The following ANKRD30BL variants were observed in gnomAD, a reference collection of about 807,000 sequenced individuals.
The protein encoded by ANKRD30BL is putative ankyrin repeat domain-containing protein 30B-like.
In ANKRD30BL, 20 loss-of-function variants were observed where a neutral mutation model predicts 18.4. The ratio of observed to expected loss-of-function variants is 1.09; its 90% CI spans 0.77 to 1.58. The LOEUF (loss-of-function observed/expected upper bound fraction) is 1.58, where lower values mean the gene tolerates loss of function less well. Ranked by LOEUF, ANKRD30BL falls within the 40% of genes most tolerant of loss-of-function variation. The probability of loss-of-function intolerance (pLI) is 0.00; values close to 1 mark genes in which losing one functional copy is unlikely to be tolerated. For synonymous variants in ANKRD30BL, 72 were observed against 100.9 expected (o/e 0.71, Z 1.72); for missense variants, 224 against 268.6 (o/e 0.83, Z 1.16).
chr2:132,230,719 C>A (rs1412042617), intron 1 of ANKRD30BL, among the ~76,000 whole-genome samples: 1 of 151,660 alleles, frequency 6.6e-6, no homozygotes, highest in South Asian at 2.1e-4. Flanking sequence ...AGATTTGAAC[C>A]TTGCTTTTGA....
chr2:132,254,644 A>G (rs370686339), intron 1 of ANKRD30BL, among the ~76,000 whole-genome samples: 5 of 152,212 alleles, frequency 3.3e-5, no homozygotes, highest in African/African-American at 9.6e-5. Flanking sequence ...CACATCTGCC[A>G]CATAGGGTAG....
At chr2:132,230,404 C>T (rs142480101) in intron 1 of ANKRD30BL, among the ~76,000 whole-genome samples, 3 of 151,896 alleles carry the variant, frequency 2.0e-5, no homozygotes, top group African/African-American at 7.3e-5. Flanking sequence ...AGTTTTGAAA[C>T]ACTCTTTTTG....
At chr2:132,154,345 ATAAAG>A (rs1253617651) in intron 4 of ANKRD30BL, among the ~76,000 whole-genome samples, 2 of 152,246 alleles carry the variant, frequency 1.3e-5, no homozygotes, top group Non-Finnish European at 2.9e-5. Context: ...ATACTGAATT[ATAAAG>A]TAAACTAAAA....
chr2:132,167,274 ATTTT>A (rs970703167), intron 1 of ANKRD30BL, among the ~76,000 whole-genome samples: 1 of 135,884 alleles, frequency 7.4e-6, no homozygotes, highest in African/African-American at 2.8e-5. Context: ...ACATTCATTT[ATTTT>A]TATTTTATTT....
rs1678845454 is a variant in ANKRD30BL, at chr2:132,191,338, T to A, written n.442-34192A>T. ...GGTGAACCATTTACAAATGTTTCTA[T>A]TCCTTGATTATTACAAGTAAAGCTG... On this transcript the variant is annotated intron_variant and non_coding_transcript_variant, in intron 1 of 4. Transcript: ENST00000470729. Among the ~76,000 whole-genome samples the A allele has an allele frequency of 2.0e-5, 3 of 152,190 alleles. No homozygotes were observed. The South Asian group carries it at 6.2e-4, about 32-fold the overall frequency.
intron 1 of ANKRD30BL, among the ~76,000 whole-genome samples, chr2:132,226,673 T>C (rs1679855216): frequency 6.6e-6 from 1 of 151,868 alleles, no homozygotes; most frequent in African/African-American, 2.4e-5. Flanking sequence ...CTTTGAGGCC[T>C]ATGGTGGAAA....
intron 1 of ANKRD30BL, among the ~76,000 whole-genome samples, chr2:132,169,740 A>G (rs1688247284): frequency 6.6e-6 from 1 of 152,014 alleles, no homozygotes; most frequent in South Asian, 2.1e-4. Context: ...TTGCAGAGGT[A>G]TATGCCCCCA....
intron 1 of ANKRD30BL, among the ~76,000 whole-genome samples, chr2:132,196,065 C>A (rs1299029279): frequency 1.3e-5 from 2 of 150,468 alleles, no homozygotes; most frequent in African/African-American, 2.4e-5. Context: ...TAGCGTGAAC[C>A]TGGGAGGCAG....
At chr2:132,248,905 A>G (rs1314584460) in intron 1 of ANKRD30BL, among the ~76,000 whole-genome samples, 1 of 152,038 alleles carries the variant, frequency 6.6e-6, no homozygotes, top group Non-Finnish European at 1.5e-5. Flanking sequence ...ATGAATGCAC[A>G]CATAGCCATG....
At chr2:132,250,172 CCATAGACCTCAAAG>C in intron 1 of ANKRD30BL, among the ~76,000 whole-genome samples, 1 of 152,260 alleles carries the variant, frequency 6.6e-6, no homozygotes, top group East Asian at 1.9e-4. Flanking sequence ...TCCTTTTTCA[CCATAGACCTCAAAG>C]CACTCACAAA....
intron 1 of ANKRD30BL, among the ~76,000 whole-genome samples, chr2:132,243,573 A>T (rs1170567883): frequency 6.6e-6 from 1 of 151,692 alleles, no homozygotes; most frequent in Non-Finnish European, 1.5e-5. Flanking sequence ...CGTCTCATAC[A>T]ACTAGACAGA....
At chr2:132,163,432 T>C (rs1331995977), upstream of ANKRD30BL, among the ~76,000 whole-genome samples, 1 of 152,098 alleles carries the variant, frequency 6.6e-6, no homozygotes, top group Non-Finnish European at 1.5e-5. Flanking sequence ...TGAGAGGTCC[T>C]GTTGCTCCCC....
chr2:132,222,200 C>G (rs571829384), intron 1 of ANKRD30BL, among the ~76,000 whole-genome samples: 2 of 143,708 alleles, frequency 1.4e-5, no homozygotes, highest in East Asian at 4.4e-4. Context: ...CCGCCCCGTC[C>G]GGGAGGGTGG....
chr2:132,197,100 A>C (rs1184881565), intron 1 of ANKRD30BL, among the ~76,000 whole-genome samples: 2 of 152,264 alleles, frequency 1.3e-5, no homozygotes, highest in African/African-American at 4.8e-5. Flanking sequence ...ATGGTAGAGA[A>C]TACTTATACA....
At chr2:132,168,875 T>G (rs1171359178) in intron 1 of ANKRD30BL, among the ~76,000 whole-genome samples, 3 of 128,646 alleles carry the variant, frequency 2.3e-5, no homozygotes, top group Non-Finnish European at 4.9e-5. Flanking sequence ...CAATCATACT[T>G]CAATGAAGCT....
chr2:132,208,127 T>C (rs904097322), intron 1 of ANKRD30BL, among the ~76,000 whole-genome samples: 15 of 152,156 alleles, frequency 9.9e-5, no homozygotes, highest in Non-Finnish European at 1.6e-4. Flanking sequence ...TTGGATTCCC[T>C]AAACAGAATT....
chr2:132,257,069 G>T (rs1343987738), intron 1 of ANKRD30BL: 1 of 499,132 alleles, frequency 2.0e-6, no homozygotes, highest in Non-Finnish European at 4.0e-6. Flanking sequence ...ATGCCGGACG[G>T]CCCTCGGCAC....
intron 1 of ANKRD30BL, among the ~76,000 whole-genome samples, chr2:132,247,317 A>T (rs942976739): frequency 6.6e-6 from 1 of 151,884 alleles, no homozygotes; most frequent in African/African-American, 2.4e-5. Context: ...AAAAGGAAAT[A>T]TCTTCACATA....
intron 1 of ANKRD30BL, among the ~76,000 whole-genome samples, chr2:132,227,344 C>T (rs1423555366): frequency 6.6e-6 from 1 of 151,776 alleles, no homozygotes; most frequent in African/African-American, 2.4e-5. Flanking sequence ...ACACTTGGAA[C>T]ACTTTGAGGC....
Sources: allele counts gnomAD v4.1 joint callset (sites outside exome capture counted in the v4.1 genomes callset), GRCh38; gene constraint gnomAD v4.1.1; transcripts MANE v1.5; gene names NCBI Gene and HGNC (gene_info 2026-07-23, HGNC 2026-07-21).